MARCHF8: variants seen among roughly 807,000 people sequenced by gnomAD.
MARCHF8 encodes E3 ubiquitin-protein ligase MARCHF8.
MARCHF8 carries 40 observed loss-of-function variants against 51.6 expected under a neutral mutation model. That is an observed-to-expected ratio of 0.77 (90% CI 0.60 to 1.01). MARCHF8 has a LOEUF of 1.01. Ranked by LOEUF, MARCHF8 falls within the 50% of genes least tolerant of loss-of-function variation. MARCHF8 has a pLI of 0.00. For missense variants in MARCHF8, 685 were observed against 708.6 expected (o/e 0.97, Z 0.38); for synonymous variants, 263 against 280.3 (o/e 0.94, Z 0.62).
At chr10:45,476,611 G>C (rs749864762) in intron 3 of MARCHF8, among the ~76,000 whole-genome samples, 13 of 151,624 alleles carry the variant, frequency 8.6e-5, no homozygotes, top group Non-Finnish European at 1.3e-4. Context: ...ACAAAGAAAT[G>C]AGAAATGCAA....
rs549050653 is a variant in MARCHF8 at position 45,465,174 on chromosome 10, C to T, written c.154-847G>A. On this transcript the variant is annotated intron_variant, in intron 3 of 7. Transcript: ENST00000453424. Reference sequence around the variant, plus strand: ...ACCACCGCTAGAGGGCCCCAGACTCCCACGCCAGCCTCGGATTCCCCAGGC... The same window carrying T: ...ACCACCGCTAGAGGGCCCCAGACTCTCACGCCAGCCTCGGATTCCCCAGGC... 8.5e-5 allele frequency among the ~76,000 whole-genome samples: 13 copies of T among 152,268 alleles called. No individual in the cohort carries two copies. The East Asian group carries it at 2.3e-3, about 27-fold the overall frequency.
Position 45,463,145 on chromosome 10 carries a change from A to T in MARCHF8, c.1088+6T>A. On this transcript the variant is annotated splice_donor_region_variant and intron_variant, in intron 5 of 7. Transcript: ENST00000453424. ...TGGCTAGAATGGCACTTCCTGGCAA[A>T]CCAACCTGCAGACATCCCCTGACGT... 1 of 1,544,802 alleles carries T rather than the reference A, an allele frequency of 6.5e-7. No individual in the cohort carries two copies. The highest frequency in any genetic ancestry group is 8.7e-7 in the Non-Finnish European group (1 of 1,143,306).
chr10:45,490,734 C>T (rs2043066057), intron 2 of MARCHF8, among the ~76,000 whole-genome samples: 2 of 152,136 alleles, frequency 1.3e-5, no homozygotes, highest in South Asian at 4.1e-4. Flanking sequence ...AAAACTATTG[C>T]CTAAGGAAGA....
Position 45,457,325 on chromosome 10 carries a change from G to A in MARCHF8, c.*914C>T, listed in dbSNP as rs1712154642. 2 of 152,110 alleles carry A rather than the reference G, an allele frequency of 1.3e-5. No homozygotes were observed. The highest frequency in any genetic ancestry group is 4.1e-4 in the South Asian group (2 of 4,828). 9.4% of individuals were successfully genotyped at this position (152,110 alleles called of 1,614,324 possible). The stretch of plus-strand genomic sequence containing the variant: ...GTGTTGACAAAAAAGAAATGTATGG[G>A]CCAGGTCTACAAAGTAACACCTTGT... On this transcript the variant is annotated 3_prime_UTR_variant, in exon 8 of 8. Coordinates refer to ENST00000453424, the MANE Select transcript of MARCHF8 (RefSeq NM_001282866.2).
At chr10:45,537,666 A>AT (rs1323694979), upstream of MARCHF8, among the ~76,000 whole-genome samples, 1 of 151,766 alleles carries the variant, frequency 6.6e-6, no homozygotes, top group Non-Finnish European at 1.5e-5. Flanking sequence ...AAAAAAAAAA[A>AT]AGAAAAGAAA....
At chr10:45,492,492 T>C (rs1330856948) in intron 2 of MARCHF8, among the ~76,000 whole-genome samples, 1 of 152,058 alleles carries the variant, frequency 6.6e-6, no homozygotes, top group East Asian at 1.9e-4. Flanking sequence ...AGAGACGGGG[T>C]TTCACTGTGT....
intron 2 of MARCHF8, among the ~76,000 whole-genome samples, chr10:45,507,622 G>A (rs1202058290): frequency 6.6e-6 from 1 of 152,082 alleles, no homozygotes; most frequent in Non-Finnish European, 1.5e-5. Context: ...TGAGGGATCC[G>A]CCTCTATGAC....
intron 1 of MARCHF8, among the ~76,000 whole-genome samples, chr10:45,584,025 AAAG>A (rs1388992539): frequency 7.4e-5 from 11 of 147,940 alleles, no homozygotes; most frequent in Non-Finnish European, 1.5e-4. Context: ...AAAAAAAAAA[AAAG>A]GAGGAAAGGA....
intron 3 of MARCHF8, among the ~76,000 whole-genome samples, chr10:45,475,255 C>A (rs1000176506): frequency 4.6e-5 from 7 of 152,204 alleles, no homozygotes; most frequent in African/African-American, 1.7e-4. Context: ...ACTCCCTAGC[C>A]GCTGGCATAC....
chr10:45,525,777 C>G (rs1009786158), intron 2 of MARCHF8, among the ~76,000 whole-genome samples: 5 of 152,208 alleles, frequency 3.3e-5, no homozygotes, highest in African/African-American at 1.2e-4. Context: ...ACCTATAACC[C>G]TAGTCTAGTC....
intron 2 of MARCHF8, among the ~76,000 whole-genome samples, chr10:45,504,077 C>T (rs1199579587): frequency 6.6e-6 from 1 of 152,094 alleles, no homozygotes; most frequent in African/African-American, 2.4e-5. Context: ...CTTATGAATA[C>T]ACTAAAAATC....
At chr10:45,495,753 G>A (rs2043162632) in intron 2 of MARCHF8, among the ~76,000 whole-genome samples, 1 of 142,408 alleles carries the variant, frequency 7.0e-6, no homozygotes, top group Non-Finnish European at 1.5e-5. Context: ...GAGGGGAGGG[G>A]AGGGGAGGGG....
chr10:45,508,341 A>G (rs926464242), intron 2 of MARCHF8, among the ~76,000 whole-genome samples: 4 of 151,758 alleles, frequency 2.6e-5, no homozygotes, highest in Non-Finnish European at 4.4e-5. Context: ...AGTAAAAAAA[A>G]AAAAAAAAAA....
At chr10:45,501,302 C>T (rs1356376802) in intron 2 of MARCHF8, among the ~76,000 whole-genome samples, 1 of 152,074 alleles carries the variant, frequency 6.6e-6, no homozygotes, top group Non-Finnish European at 1.5e-5. Flanking sequence ...AGAGTAATCA[C>T]TACTGTGTGG....
chr10:45,518,482 C>T (rs184402525), intron 2 of MARCHF8, among the ~76,000 whole-genome samples: 34 of 152,264 alleles, frequency 2.2e-4, no homozygotes, highest in Admixed American at 4.6e-4. Context: ...GCAGTTCACC[C>T]ATTCATGGAT....
At chr10:45,500,389 T>G (rs2043257326) in intron 2 of MARCHF8, among the ~76,000 whole-genome samples, 1 of 152,150 alleles carries the variant, frequency 6.6e-6, no homozygotes, top group Admixed American at 6.5e-5. Context: ...AAGAGATAAT[T>G]TTACTCCTTT....
chr10:45,593,085 C>T (rs1384403346), intron 1 of MARCHF8, among the ~76,000 whole-genome samples: 1 of 149,644 alleles, frequency 6.7e-6, no homozygotes, highest in Non-Finnish European at 1.5e-5. Flanking sequence ...TAAGCTTAAG[C>T]CAAAGATCAG....
chr10:45,566,361 G>A (rs1589183047), intron 1 of MARCHF8, among the ~76,000 whole-genome samples: 1 of 152,082 alleles, frequency 6.6e-6, no homozygotes, highest in South Asian at 2.1e-4. Context: ...CAAACAGTAA[G>A]TCTTATCCAT....
At chr10:45,473,176 A>T (rs1449279396) in intron 3 of MARCHF8, among the ~76,000 whole-genome samples, 1 of 152,214 alleles carries the variant, frequency 6.6e-6, no homozygotes, top group East Asian at 1.9e-4. Context: ...TCCCTGTCTA[A>T]TGGCAACAAT....
Sources: allele counts gnomAD v4.1 joint callset (sites outside exome capture counted in the v4.1 genomes callset), GRCh38; gene constraint gnomAD v4.1.1; transcripts MANE v1.5; gene names NCBI Gene and HGNC (gene_info 2026-07-23, HGNC 2026-07-21).